The following SH2D3A variants were observed in gnomAD, a reference collection of about 807,000 sequenced individuals.
SH2D3A encodes SH2 domain-containing protein 3A.
In SH2D3A, 46 loss-of-function variants were observed where a neutral mutation model predicts 50.6. That is an observed-to-expected ratio of 0.91 (90% CI 0.72 to 1.16). The LOEUF (loss-of-function observed/expected upper bound fraction) is 1.16, where lower values mean the gene tolerates loss of function less well. Ranked by LOEUF, SH2D3A falls within the 50% of genes most tolerant of loss-of-function variation. SH2D3A has a pLI of 0.00. For missense variants in SH2D3A, 783 were observed against 786.2 expected (o/e 1.00, Z 0.05); for synonymous variants, 377 against 348.4 (o/e 1.08, Z -0.91).
rs1490291583 is a variant in SH2D3A, at chr19:6,754,621, C to T, written c.1092G>A (p.Leu364=). 1.2e-6 allele frequency: 2 copies of T among 1,614,204 alleles called. No individual in the cohort carries two copies. Among genetic ancestry groups the T allele is most frequent in the Non-Finnish European group, 1.7e-6 (2 of 1,180,018 alleles). The stretch of plus-strand genomic sequence containing the variant: ...ATTACAAGCTGCTGGCTCACCTCTC[C>T]AGCAGTTCCAACCTCAAGTGGTGTC... ...PHGHHLRLEL[L]ERHQTLALAG... The change falls in exon 6 of 10, where the codon CTG becomes CTA. Residue 364 remains leucine, a synonymous_variant. Coordinates refer to ENST00000245908, the MANE Select transcript of SH2D3A (RefSeq NM_005490.3).
At chr19:6,763,145 C>T (rs1970121243) in intron 2 of SH2D3A, among the ~76,000 whole-genome samples, 1 of 151,682 alleles carries the variant, frequency 6.6e-6, no homozygotes, top group African/African-American at 2.4e-5. Flanking sequence ...CTCACTACAA[C>T]CTCTGCCTCC....
chr19:6,762,613 C>T (rs1970088805), intron 2 of SH2D3A, among the ~76,000 whole-genome samples: 1 of 146,404 alleles, frequency 6.8e-6, no homozygotes, highest in South Asian at 2.3e-4. Flanking sequence ...CTTAAGCAAT[C>T]CTCCCATCTC....
chr19:6,752,871 C>T, intron 9 of SH2D3A, 118 bp from the exon 10 acceptor site: 1 of 1,410,446 alleles, frequency 7.1e-7, no homozygotes, highest in Non-Finnish European at 9.3e-7. Context: ...CCGGGAGGGA[C>T]CTGCCCCACC....
intron 1 of SH2D3A, among the ~76,000 whole-genome samples, chr19:6,765,433 C>A (rs1970254803): frequency 6.6e-6 from 1 of 152,040 alleles, no homozygotes; most frequent in Admixed American, 6.6e-5. Context: ...GCAGATCTAA[C>A]CCCTATTCTT....
intron 8 of SH2D3A, 150 bp from the exon 9 acceptor site, chr19:6,753,791 G>A: frequency 1.0e-6 from 1 of 978,070 alleles, no homozygotes; most frequent in Non-Finnish European, 1.5e-6. Flanking sequence ...CCCGTATGGA[G>A]GGCGGGGCCT....
Position 6,754,352 on chromosome 19 carries a change from C to T in SH2D3A, c.1171G>A (p.Ala391Thr), listed in dbSNP as rs769405252. ...GCCAGCTCTACCAGTCCCCTCAGTG[C>T]GGCTGCGCGCTCCTCCAGCGGCCCC... ...CSGPLEERAAALRGLVELALA... is the reference protein window; with the variant it reads ...CSGPLEERAATLRGLVELALA... Residue 391 changes from alanine to threonine, a missense_variant, in exon 7 of 10, where the codon GCA (alanine) becomes ACA (threonine). By Grantham distance (58) the Ala-to-Thr change is moderately conservative. Coordinates refer to ENST00000245908, the MANE Select transcript of SH2D3A (RefSeq NM_005490.3). 6 of 1,567,790 alleles carry T rather than the reference C, an allele frequency of 3.8e-6. No homozygotes were observed. Among genetic ancestry groups the T allele is most frequent in the Admixed American group, 3.6e-5 (2 of 55,992 alleles).
At position 6,752,711 on chromosome 19, in the gene SH2D3A, C is replaced by A. The variant is rs753748884; in HGVS notation, c.1613G>T (p.Gly538Val). The part of the protein sequence containing the change: ...NPELREALTT[G>V]FVRRLLWGSR... The stretch of plus-strand genomic sequence containing the variant: ...ACCCCAGAGCAGCCTCCGCACGAAG[C>A]CGGTGGTCAGGGCCTCCCTCAGCTC... The change falls in exon 10 of 10, where the codon GGC becomes GTC. Residue 538 changes from glycine (G) to valine (V), a missense_variant. By Grantham distance (109) the Gly-to-Val change is moderately radical. Coordinates refer to ENST00000245908, the MANE Select transcript of SH2D3A (RefSeq NM_005490.3). 90 of 1,552,474 alleles carry A rather than the reference C, an allele frequency of 5.8e-5. 1 individual carries two copies. In the South Asian group the frequency reaches 8.8e-4, roughly 15 times the overall value.
At position 6,753,586 on chromosome 19, in the gene SH2D3A, T is replaced by G. The variant is rs1302455709; in HGVS notation, c.1440A>C (p.Leu480=). The part of the protein sequence containing the change: ...ALPHVAPMVR[L]LEGEEVAGPL... ...GCCCCGCGACTTCCTCGCCCTCCAG[T>G]AGGCGAACCATGGGTGCCACGTGCG... Residue 480 remains leucine, a synonymous_variant, in exon 9 of 10, where the codon CTA becomes CTC. Transcript: ENST00000245908. 6.3e-7 allele frequency: 1 copy of G among 1,588,338 alleles called. No individual in the cohort carries two copies.
chr19:6,759,383 G>T (rs553956966), intron 4 of SH2D3A: 54 of 457,568 alleles, frequency 1.2e-4, no homozygotes, highest in Middle Eastern at 6.4e-4. Flanking sequence ...AAAGTGCTGG[G>T]ATTACAGGCA....
intron 2 of SH2D3A, chr19:6,761,298 T>G: frequency 1.0e-5 from 3 of 289,502 alleles, no homozygotes; most frequent in Non-Finnish European, 1.3e-5. Context: ...CACAATCTTA[T>G]AGGTTGTGTC....
intron 2 of SH2D3A, 124 bp from the exon 3 acceptor site, chr19:6,761,111 G>A: frequency 1.4e-6 from 1 of 731,790 alleles, no homozygotes; most frequent in Non-Finnish European, 2.2e-6. Flanking sequence ...TTCTGTGGCA[G>A]GCAAAGACGG....
intron 2 of SH2D3A, 161 bp from the exon 3 acceptor site, chr19:6,761,148 C>A: frequency 1.6e-6 from 1 of 621,438 alleles, no homozygotes; most frequent in South Asian, 2.0e-5. Flanking sequence ...GTTCTGTCCC[C>A]CTTTCTCCTG....
At position 6,753,766 on chromosome 19, in the gene SH2D3A, G is replaced by A. The variant is rs999023453; in HGVS notation, c.1385-125C>T. 15 of 1,085,588 alleles carry A rather than the reference G, an allele frequency of 1.4e-5. No homozygotes were observed. The Admixed American group carries it at 1.5e-4, about 11-fold the overall frequency. The allele number at this position is 1,085,588 out of a possible 1,614,324, so 67.2% of individuals were successfully genotyped here. A position where few individuals can be genotyped will look rare whatever the true frequency, so the allele number is the denominator to read the frequency against. Reference sequence around the variant, plus strand: ...GCGACAGCGGGGTCTGTGGAGAGGGGCCAGGACCACACGCCCCGTATGGAG... The same window carrying A: ...GCGACAGCGGGGTCTGTGGAGAGGGACCAGGACCACACGCCCCGTATGGAG... On this transcript the variant is annotated intron_variant, in intron 8 of 9. Coordinates refer to ENST00000245908, the MANE Select transcript of SH2D3A (RefSeq NM_005490.3).
At chr19:6,755,873 A>T (rs989844593) in intron 4 of SH2D3A, among the ~76,000 whole-genome samples, 2 of 151,048 alleles carry the variant, frequency 1.3e-5, no homozygotes, top group African/African-American at 4.9e-5. Context: ...GAGGCTAGGG[A>T]TTCCAGACCA....
intron 9 of SH2D3A, chr19:6,753,211 G>A (rs967807541): frequency 2.0e-5 from 20 of 985,196 alleles, no homozygotes; most frequent in African/African-American, 3.5e-5. Flanking sequence ...GTGGGGACCC[G>A]CGGAGGTGGC....
intron 9 of SH2D3A, 27 bp from the exon 10 acceptor site, chr19:6,752,780 G>C (rs748682868): frequency 3.3e-6 from 5 of 1,500,712 alleles, no homozygotes; most frequent in Non-Finnish European, 4.5e-6. Context: ...GTGGGCTGGG[G>C]GCGGGGCCCA....
intron 4 of SH2D3A, among the ~76,000 whole-genome samples, chr19:6,756,913 C>G (rs1293096701): frequency 6.6e-6 from 1 of 152,088 alleles, no homozygotes; most frequent in African/African-American, 2.4e-5. Flanking sequence ...ACTCTGTCAC[C>G]AGGCTACAGT....
In SH2D3A at chr19:6,763,792, T is replaced by G. The variant is rs1281429906; in HGVS notation, c.-44A>C. 6.5e-7 allele frequency: 1 copy of G among 1,534,506 alleles called. No homozygotes were observed. ...GGGTGCCAGGGCTGAGCTCTGCACT[T>G]TCAACAGGCCTCAGTCTTCCACATC... On this transcript the variant is annotated 5_prime_UTR_variant, in exon 2 of 10. Transcript: ENST00000245908.
intron 1 of SH2D3A, among the ~76,000 whole-genome samples, chr19:6,766,236 C>T (rs1970299306): frequency 6.6e-6 from 1 of 152,176 alleles, no homozygotes. Context: ...CCAGGGCTAG[C>T]CTCGGTCGCA....
Sources: gnomAD v4.1 joint callset for allele counts (sites outside exome capture counted in the v4.1 genomes callset) on GRCh38, gnomAD v4.1.1 for gene constraint, MANE v1.5 for transcripts, NCBI Gene and HGNC (gene_info 2026-07-23, HGNC 2026-07-21) for gene names.